The following LAMA2 variants were observed in gnomAD, a reference collection of about 807,000 sequenced individuals.
LAMA2 encodes the protein laminin subunit alpha 2.
Under a neutral mutation model 364.8 loss-of-function variants are expected in LAMA2, and 269 were observed. The observed-to-expected ratio is 0.74, with a 90% CI of 0.67 to 0.82. LAMA2 has a LOEUF of 0.82. LAMA2 is among the 40% of genes least tolerant of loss of function. The probability of loss-of-function intolerance (pLI) is 0.00; values close to 1 mark genes in which losing one functional copy is unlikely to be tolerated. For missense variants in LAMA2, 3,807 were observed against 3,873.2 expected, an observed-to-expected ratio of 0.98 and a Z score of 0.45; for synonymous variants, 1,379 against 1,370.6, an observed-to-expected ratio of 1.01 and a Z score of -0.14.
intron 1 of LAMA2, among the ~76,000 whole-genome samples, chr6:128,911,318 G>T (rs1777927715): frequency 6.6e-6 from 1 of 152,208 alleles, no homozygotes; most frequent in African/African-American, 2.4e-5. Flanking sequence ...TTCCCAGCCA[G>T]GTGCAGGATA....
intron 35 of LAMA2, among the ~76,000 whole-genome samples, chr6:129,389,993 T>A (rs546138763): frequency 6.6e-6 from 1 of 152,170 alleles, no homozygotes; most frequent in Non-Finnish European, 1.5e-5. Context: ...AACATATGAA[T>A]TTGAGGAGAA....
chr6:129,379,841 T>C (rs1778582893), intron 34 of LAMA2, among the ~76,000 whole-genome samples: 1 of 152,180 alleles, frequency 6.6e-6, no homozygotes, highest in African/African-American at 2.4e-5. Context: ...CCACATTTCC[T>C]GGCAAGCATA....
intron 12 of LAMA2, among the ~76,000 whole-genome samples, chr6:129,197,180 A>G (rs1583227630): frequency 6.6e-6 from 1 of 152,214 alleles, no homozygotes; most frequent in East Asian, 1.9e-4. Context: ...TTTATTTGAC[A>G]TATTCTGAAA....
At chr6:129,172,628 TTGTC>T (rs1780265833) in intron 9 of LAMA2, among the ~76,000 whole-genome samples, 1 of 152,210 alleles carries the variant, frequency 6.6e-6, no homozygotes, top group South Asian at 2.1e-4. Flanking sequence ...GTCTTTTTGT[TTGTC>T]TGTGCCCTGC....
intron 22 of LAMA2, among the ~76,000 whole-genome samples, chr6:129,311,127 C>CTT (rs536502720): frequency 7.1e-6 from 1 of 141,836 alleles, no homozygotes; most frequent in Non-Finnish European, 1.6e-5. Flanking sequence ...GATGAAGATT[C>CTT]TTTTTTTTTT....
At chr6:129,219,095 C>G (rs1369292736) in intron 12 of LAMA2, among the ~76,000 whole-genome samples, 1 of 152,098 alleles carries the variant, frequency 6.6e-6, no homozygotes, top group African/African-American at 2.4e-5. Flanking sequence ...AAAAGACACT[C>G]TAAAATAGCA....
intron 58 of LAMA2, among the ~76,000 whole-genome samples, chr6:129,500,297 C>T (rs1240666405): frequency 6.9e-6 from 1 of 145,932 alleles, no homozygotes; most frequent in Non-Finnish European, 1.5e-5. Context: ...TTTATTAAAA[C>T]AGTATCCATC....
chr6:129,175,515 T>A (rs1291994219), intron 9 of LAMA2, among the ~76,000 whole-genome samples: 4 of 152,238 alleles, frequency 2.6e-5, no homozygotes, highest in South Asian at 4.1e-4. Context: ...ATAAATTGAA[T>A]TACATAGCTC....
chr6:129,361,193 A>T (rs73776969), intron 32 of LAMA2, among the ~76,000 whole-genome samples: 1 of 152,190 alleles, frequency 6.6e-6, no homozygotes, highest in Non-Finnish European at 1.5e-5. Flanking sequence ...CCCAAAATAC[A>T]TCTTCACTAG....
At chr6:129,183,373 A>C (rs1781043306) in intron 10 of LAMA2, among the ~76,000 whole-genome samples, 1 of 151,998 alleles carries the variant, frequency 6.6e-6, no homozygotes, top group Non-Finnish European at 1.5e-5. Context: ...TATTTTTATC[A>C]AAGTCTTATA....
chr6:128,929,292 C>A, intron 1 of LAMA2: 2 of 1,263,594 alleles, frequency 1.6e-6, no homozygotes, highest in Non-Finnish European at 2.3e-6. Context: ...CGGATCCCTG[C>A]CCACATGTCC....
chr6:128,954,500 T>C (rs1781023266), intron 1 of LAMA2, among the ~76,000 whole-genome samples: 1 of 152,032 alleles, frequency 6.6e-6, no homozygotes, highest in African/African-American at 2.4e-5. Flanking sequence ...CAGCAGACAA[T>C]TGGTAACAGT....
chr6:129,168,896 G>T (rs1183233866), intron 9 of LAMA2, among the ~76,000 whole-genome samples: 1 of 148,928 alleles, frequency 6.7e-6, no homozygotes, highest in East Asian at 2.0e-4. Flanking sequence ...TTGTAAGTTG[G>T]ATTCCTAGGT....
At chr6:129,359,636 A>G (rs927594441) in intron 32 of LAMA2, among the ~76,000 whole-genome samples, 1 of 152,176 alleles carries the variant, frequency 6.6e-6, no homozygotes, top group Non-Finnish European at 1.5e-5. Context: ...TTAATTTAAC[A>G]TACACACATT....
intron 1 of LAMA2, among the ~76,000 whole-genome samples, chr6:128,932,865 A>T (rs1336771552): frequency 6.6e-6 from 1 of 152,198 alleles, no homozygotes; most frequent in African/African-American, 2.4e-5. Flanking sequence ...GACATTTAAG[A>T]TCTGTGTTTG....
chr6:129,469,292 G>A (rs146846525), intron 51 of LAMA2, among the ~76,000 whole-genome samples: 172 of 152,034 alleles, frequency 1.1e-3, no homozygotes, highest in African/African-American at 3.8e-3. Flanking sequence ...AAGACAAAGC[G>A]AACAATTGGA....
intron 34 of LAMA2, among the ~76,000 whole-genome samples, chr6:129,376,972 T>A (rs1778408226): frequency 6.6e-6 from 1 of 152,216 alleles, no homozygotes; most frequent in Non-Finnish European, 1.5e-5. Context: ...ATTTGTTTAA[T>A]TAATTGTGAA....
intron 41 of LAMA2, among the ~76,000 whole-genome samples, chr6:129,436,587 G>A (rs953664866): frequency 1.3e-5 from 2 of 152,002 alleles, no homozygotes; most frequent in Non-Finnish European, 2.9e-5. Flanking sequence ...ATTTCTATCA[G>A]TAGAATTGCC....
chr6:129,414,133 G>T (rs751486433), intron 40 of LAMA2, among the ~76,000 whole-genome samples: 2 of 152,046 alleles, frequency 1.3e-5, no homozygotes, highest in Non-Finnish European at 2.9e-5. Context: ...ATACTTAGGT[G>T]AAGTAAACAG....
Sources: gnomAD v4.1 joint callset for allele counts (sites outside exome capture counted in the v4.1 genomes callset) on GRCh38, gnomAD v4.1.1 for gene constraint, MANE v1.5 for transcripts, NCBI Gene and HGNC (gene_info 2026-07-23, HGNC 2026-07-21) for gene names.